Variants in IL17RA observed in about 807,000 individuals in gnomAD.
IL17RA encodes the protein interleukin-17 receptor A.
In IL17RA, 34 loss-of-function variants were observed where a neutral mutation model predicts 50.4. That is an observed-to-expected ratio of 0.67 (90% confidence interval 0.51 to 0.90). IL17RA has a LOEUF of 0.90. IL17RA is among the 40% of genes least tolerant of loss of function. IL17RA has a pLI of 0.00. For synonymous variants in IL17RA, 585 were observed against 510.4 expected (o/e 1.15, Z -1.97); for missense variants, 1,276 against 1,169.8 (o/e 1.09, Z -1.32).
chr22:17,109,604 C>T lies in IL17RA; in HGVS notation c.2385C>T (p.Gly795=). 9 of 1,604,766 alleles carry T rather than the reference C, an allele frequency of 5.6e-6. No individual in the cohort carries two copies. The highest frequency in any genetic ancestry group is 2.2e-5 in the South Asian group (2 of 89,752). ...GGCAGTCAGTGCAGTCTGACCAGGG[C>T]TACATCTCCAGGAGCTCCCCGCAGC... ...EQRQSVQSDQ[G]YISRSSPQPP... is the part of the protein sequence containing the mutation. The change falls in exon 13 of 13, where the codon GGC becomes GGT. Residue 795 remains glycine (G), a synonymous_variant. Coordinates refer to ENST00000319363, the MANE Select transcript of IL17RA (RefSeq NM_014339.7).
At chr22:17,090,650 A>G (rs1200576658) in intron 1 of IL17RA, among the ~76,000 whole-genome samples, 1 of 152,180 alleles carries the variant, frequency 6.6e-6, no homozygotes, top group Non-Finnish European at 1.5e-5. Context: ...GATATTATCT[A>G]TTGACTTCTA....
chr22:17,089,977 C>T (rs1601335821), intron 1 of IL17RA, among the ~76,000 whole-genome samples: 1 of 92,836 alleles, frequency 1.1e-5, no homozygotes, highest in African/African-American at 3.1e-5. Flanking sequence ...AAGAAGATCC[C>T]GAACACTTTT....
At chr22:17,094,671 C>CTATATATATATATATGTG (rs1568917407) in intron 1 of IL17RA, among the ~76,000 whole-genome samples, 1 of 40,764 alleles carries the variant, frequency 2.5e-5, no homozygotes, top group Non-Finnish European at 5.0e-5. Flanking sequence ...CTCTCTCTCT[C>CTATATATATATATATGTG]TCTCTCTCTC....
chr22:17,108,405 C>T lies in IL17RA; in HGVS notation c.1186C>T (p.Leu396=). 6.2e-7 allele frequency: 1 copy of T among 1,614,114 alleles called. No homozygotes were observed. The highest frequency in any genetic ancestry group is 1.1e-5 in the South Asian group (1 of 91,090). The change falls in exon 13 of 13, where the codon CTG becomes TTG. Residue 396 remains leucine (L), a synonymous_variant. Transcript: ENST00000319363. ...ADHPLYVDVV[L]KFAQFLLTAC... ...CCACCCCCTCTACGTGGACGTGGTC[C>T]TGAAATTCGCCCAGTTCCTGCTCAC...
rs57380532 is a variant in IL17RA, at chr22:17,112,157, CAT to C, written c.*2338_*2339del. Reference sequence around the variant, plus strand: ...CAATGCACTCTTCCTGCGTAGAGCACATGTTCCCATCTGCTCCCATTCCTCAG... The same window carrying C: ...CAATGCACTCTTCCTGCGTAGAGCACGTTCCCATCTGCTCCCATTCCTCAG... On this transcript the variant is annotated 3_prime_UTR_variant, in exon 13 of 13. Coordinates refer to ENST00000319363, the MANE Select transcript of IL17RA (RefSeq NM_014339.7). 20,569 of 152,172 alleles carry C rather than the reference CAT, an allele frequency of 0.14. 1,671 individuals carry two copies. Among genetic ancestry groups the C allele is most frequent in the African/African-American group, 0.22 (9,225 of 41,456 alleles). 9.4% of individuals were successfully genotyped at this position (152,172 alleles called of 1,614,324 possible).
intron 1 of IL17RA, among the ~76,000 whole-genome samples, chr22:17,088,069 A>G (rs1007825932): frequency 6.6e-6 from 1 of 152,160 alleles, no homozygotes; most frequent in African/African-American, 2.4e-5. Flanking sequence ...ACTCAACGAC[A>G]GCTTACAAGG....
rs1335627744 is a variant in IL17RA at position 17,100,496 on chromosome 22, C to T, written c.550+15C>T. ...CCTTGTGCCTGGTAAGAGCATCCTC[C>T]CAAGACATTCCCTCCCCAATGGCCT... is the stretch of plus-strand genomic sequence containing the variant. On this transcript the variant is annotated intron_variant, in intron 5 of 12. Coordinates refer to ENST00000319363, the MANE Select transcript of IL17RA (RefSeq NM_014339.7). 6.2e-7 allele frequency: 1 copy of T among 1,613,556 alleles called. No homozygotes were observed. Among genetic ancestry groups the T allele is most frequent in the Non-Finnish European group, 8.5e-7 (1 of 1,180,012 alleles).
Position 17,111,394 on chromosome 22 carries a change from G to A in IL17RA, c.*1574G>A, listed in dbSNP as rs550759898. On this transcript the variant is annotated 3_prime_UTR_variant, in exon 13 of 13. Transcript: ENST00000319363. ...AGCTCAGGAAGCCCCAGGGTGCAAG[G>A]GCAAGGAAATGAGGGGTGGTGGGTC... The A allele has an allele frequency of 1.1e-4, 16 of 152,374 alleles. No individual in the cohort carries two copies. In the East Asian group the frequency reaches 3.1e-3, roughly 29 times the overall value. 9.4% of individuals were successfully genotyped at this position (152,374 alleles called of 1,614,324 possible). A position where few individuals can be genotyped will look rare whatever the true frequency, so the allele number is the denominator to read the frequency against.
chr22:17,086,258 AG>A (rs1235643465), intron 1 of IL17RA, among the ~76,000 whole-genome samples: 33 of 152,120 alleles, frequency 2.2e-4, no homozygotes, highest in Non-Finnish European at 8.8e-5. Flanking sequence ...GCTGACCCCA[AG>A]GAATAATGCT....
In IL17RA at chr22:17,109,353, G is replaced by A. The variant is rs770087463; in HGVS notation, c.2134G>A (p.Gly712Arg). 4.4e-6 allele frequency: 7 copies of A among 1,600,192 alleles called. No homozygotes were observed. In the African/African-American group the frequency reaches 9.4e-5, roughly 21 times the overall value. The change falls in exon 13 of 13, where the codon GGG (glycine) becomes AGG (arginine). Residue 712 changes from glycine to arginine, a missense_variant. Physicochemically the swap from Gly to Arg is moderately radical, Grantham distance 125. Transcript: ENST00000319363. The part of the protein sequence containing the change: ...ACPLLGSPGA[G>R]RNSVLFLPVD... ...CCCGCTGCTGGGCAGCCCGGGCGCT[G>A]GGCGAAATAGCGTCCTCTTCCTCCC...
intron 11 of IL17RA, among the ~76,000 whole-genome samples, chr22:17,106,609 G>T (rs938545822): frequency 2.0e-5 from 3 of 152,218 alleles, no homozygotes; most frequent in African/African-American, 7.2e-5. Flanking sequence ...GAGAACACAG[G>T]CCTTCCGGTT....
Position 17,109,094 on chromosome 22 carries a change from C to A in IL17RA, c.1875C>A (p.Arg625=). The A allele has an allele frequency of 6.4e-7, 1 of 1,563,298 alleles. No homozygotes were observed. Among genetic ancestry groups the A allele is most frequent in the Non-Finnish European group, 8.6e-7 (1 of 1,163,074 alleles). The change falls in exon 13 of 13, where the codon CGC becomes CGA. Residue 625 remains arginine (R), a synonymous_variant. Transcript: ENST00000319363. Reference sequence around the variant, plus strand: ...TCGTGAAGCGGGCGCCCCTGGTGCGCGAGCCTGGCTCCCAGGCCTGCCTGG... The same window carrying A: ...TCGTGAAGCGGGCGCCCCTGGTGCGAGAGCCTGGCTCCCAGGCCTGCCTGG... ...TGIVKRAPLV[R]EPGSQACLAI...
intron 7 of IL17RA, among the ~76,000 whole-genome samples, 182 bp from the exon 8 acceptor site, chr22:17,103,312 T>C (rs1445563081): frequency 3.3e-5 from 5 of 152,108 alleles, no homozygotes; most frequent in Non-Finnish European, 4.4e-5. Context: ...GGATTTACAA[T>C]AAACCAGCTT....
intron 8 of IL17RA, 147 bp downstream of exon 8, chr22:17,103,724 TG>T: frequency 1.5e-6 from 1 of 667,860 alleles, no homozygotes; most frequent in Admixed American, 2.2e-5. Flanking sequence ...TGGACGGGAG[TG>T]GGGAGCGTGC....
intron 11 of IL17RA, among the ~76,000 whole-genome samples, chr22:17,106,860 G>A (rs1365043330): frequency 3.2e-5 from 3 of 92,352 alleles, no homozygotes; most frequent in Admixed American, 9.5e-5. Context: ...GGGGCTGGGC[G>A]GCGGCGGCGC....
rs1435863831 is a variant in IL17RA at position 17,110,728 on chromosome 22, G to A, written c.*908G>A. ...TGTAGTCCCAGCTACTCGGGAGGCT[G>A]ATGCCAGATGATCACTTGAGCCCAG... On this transcript the variant is annotated 3_prime_UTR_variant, in exon 13 of 13. Coordinates refer to ENST00000319363, the MANE Select transcript of IL17RA (RefSeq NM_014339.7). The A allele has an allele frequency of 1.3e-5, 2 of 152,302 alleles. No individual in the cohort carries two copies. The highest frequency in any genetic ancestry group is 3.9e-4 in the East Asian group (2 of 5,184). The allele number at this position is 152,302 out of a possible 1,614,324, so 9.4% of individuals were successfully genotyped here.
At chr22:17,096,744 C>T (rs1017127963) in intron 1 of IL17RA, among the ~76,000 whole-genome samples, 1 of 152,040 alleles carries the variant, frequency 6.6e-6, no homozygotes, top group African/African-American at 2.4e-5. Flanking sequence ...GTGGCGGGCG[C>T]CTGTAGTCCC....
intron 1 of IL17RA, among the ~76,000 whole-genome samples, chr22:17,090,263 A>G (rs765336657): frequency 6.6e-6 from 1 of 152,172 alleles, no homozygotes; most frequent in African/African-American, 2.4e-5. Context: ...AGCTCAGGCA[A>G]TCCACCTGCC....
intron 2 of IL17RA, 89 bp from the exon 3 acceptor site, chr22:17,097,708 G>A (rs1042019689): frequency 4.1e-5 from 64 of 1,548,754 alleles, no homozygotes; most frequent in African/African-American, 1.1e-4. Context: ...CCCCTGAGCT[G>A]TTTGCTGTCT....
Sources: allele counts gnomAD v4.1 joint callset (sites outside exome capture counted in the v4.1 genomes callset), GRCh38; gene constraint gnomAD v4.1.1; transcripts MANE v1.5; gene names NCBI Gene and HGNC (gene_info 2026-07-23, HGNC 2026-07-21).